Variants in ST6GALNAC3 observed in about 807,000 individuals in gnomAD.
ST6GALNAC3 encodes the protein alpha-N-acetylgalactosaminide alpha-2,6-sialyltransferase 3.
Under a neutral mutation model 32.7 loss-of-function variants are expected in ST6GALNAC3, and 25 were observed. The ratio of observed to expected loss-of-function variants is 0.76; its 90% CI spans 0.56 to 1.07. ST6GALNAC3 has a LOEUF of 1.07. Among genes scored for constraint, ST6GALNAC3 ranks in the 50% least tolerant of loss-of-function variants. The pLI, the probability that ST6GALNAC3 is intolerant of heterozygous loss-of-function variation, is 0.00. For synonymous variants in ST6GALNAC3, 129 were observed against 133.1 expected, an observed-to-expected ratio of 0.97 and a Z score of 0.21; for missense variants, 355 against 382.4, an observed-to-expected ratio of 0.93 and a Z score of 0.60.
intron 1 of ST6GALNAC3, among the ~76,000 whole-genome samples, chr1:76,195,010 T>G (rs1654116247): frequency 2.0e-5 from 3 of 152,206 alleles, no homozygotes; most frequent in African/African-American, 7.2e-5. Flanking sequence ...CATTTCATTA[T>G]ACAATATCCA....
intron 3 of ST6GALNAC3, among the ~76,000 whole-genome samples, chr1:76,449,015 G>T (rs1657191983): frequency 6.6e-6 from 1 of 152,072 alleles, no homozygotes. Context: ...TAGAGACAGG[G>T]TTTCACTATG....
At chr1:76,177,347 T>G (rs1652915090) in intron 1 of ST6GALNAC3, among the ~76,000 whole-genome samples, 1 of 152,172 alleles carries the variant, frequency 6.6e-6, no homozygotes, top group South Asian at 2.1e-4. Flanking sequence ...TGAAAGAGCT[T>G]AAAATTTCTT....
intron 3 of ST6GALNAC3, chr1:76,576,798 C>G: frequency 7.8e-7 from 1 of 1,277,726 alleles, no homozygotes; most frequent in South Asian, 1.2e-5. Flanking sequence ...ATTTGCATGT[C>G]TAACTAATTT....
At chr1:76,139,522 A>G (rs951563817) in intron 1 of ST6GALNAC3, among the ~76,000 whole-genome samples, 1 of 152,128 alleles carries the variant, frequency 6.6e-6, no homozygotes, top group East Asian at 1.9e-4. Flanking sequence ...CTTTATCCCT[A>G]TAGGAAGCCA....
At chr1:76,545,803 T>C (rs1413511911) in intron 3 of ST6GALNAC3, among the ~76,000 whole-genome samples, 1 of 151,690 alleles carries the variant, frequency 6.6e-6, no homozygotes, top group Non-Finnish European at 1.5e-5. Flanking sequence ...ATTACAGGCA[T>C]GCCCCCCCAC....
chr1:76,126,577 A>C (rs1649266889), intron 1 of ST6GALNAC3, among the ~76,000 whole-genome samples: 1 of 152,148 alleles, frequency 6.6e-6, no homozygotes, highest in Non-Finnish European at 1.5e-5. Context: ...AGTGACATAT[A>C]GGGTACTGTC....
intron 1 of ST6GALNAC3, among the ~76,000 whole-genome samples, chr1:76,281,925 A>G (rs558185428): frequency 2.0e-5 from 3 of 152,176 alleles, no homozygotes; most frequent in Non-Finnish European, 4.4e-5. Flanking sequence ...GGGCACTTCT[A>G]TGCATGTTAG....
chr1:76,396,831 T>C (rs1196182662), intron 2 of ST6GALNAC3, among the ~76,000 whole-genome samples: 2 of 152,222 alleles, frequency 1.3e-5, no homozygotes, highest in Non-Finnish European at 2.9e-5. Context: ...TTGTATTCAA[T>C]ATAGCATTTT....
chr1:76,472,052 G>A (rs191304857), intron 3 of ST6GALNAC3, among the ~76,000 whole-genome samples: 3 of 152,174 alleles, frequency 2.0e-5, no homozygotes, highest in African/African-American at 7.2e-5. Flanking sequence ...CATTTAAGGA[G>A]GTAAGCATTG....
chr1:76,599,278 A>G (rs1647183298), intron 3 of ST6GALNAC3, among the ~76,000 whole-genome samples: 1 of 152,042 alleles, frequency 6.6e-6, no homozygotes, highest in South Asian at 2.1e-4. Context: ...GAACTGTTGT[A>G]GATTAAACTT....
intron 1 of ST6GALNAC3, among the ~76,000 whole-genome samples, chr1:76,129,340 G>C (rs1366584949): frequency 6.6e-6 from 1 of 152,144 alleles, no homozygotes; most frequent in African/African-American, 2.4e-5. Context: ...GAAACTAAAG[G>C]AGTGGTTGGG....
At chr1:76,369,814 T>G (rs920634800) in intron 2 of ST6GALNAC3, among the ~76,000 whole-genome samples, 2 of 152,204 alleles carry the variant, frequency 1.3e-5, no homozygotes, top group Non-Finnish European at 2.9e-5. Flanking sequence ...TATTAGGCAA[T>G]GCTAGCTCTA....
At chr1:76,636,377 T>C (rs1342017102), downstream of ST6GALNAC3, among the ~76,000 whole-genome samples, 1 of 152,170 alleles carries the variant, frequency 6.6e-6, no homozygotes, top group African/African-American at 2.4e-5. Context: ...GTCACAGAGA[T>C]TAGCCTTTTT....
At chr1:76,105,733 A>C (rs1427237505) in intron 1 of ST6GALNAC3, among the ~76,000 whole-genome samples, 1 of 152,218 alleles carries the variant, frequency 6.6e-6, no homozygotes, top group Non-Finnish European at 1.5e-5. Flanking sequence ...GCCTCAAGTG[A>C]GTGGCAAAGC....
chr1:76,259,972 C>T (rs1020054004), intron 1 of ST6GALNAC3, among the ~76,000 whole-genome samples: 1 of 152,028 alleles, frequency 6.6e-6, no homozygotes, highest in Non-Finnish European at 1.5e-5. Flanking sequence ...ATCTCTCTTG[C>T]TTTAGTTTTG....
chr1:76,156,429 C>T (rs1651428001), intron 1 of ST6GALNAC3, among the ~76,000 whole-genome samples: 1 of 152,074 alleles, frequency 6.6e-6, no homozygotes, highest in Non-Finnish European at 1.5e-5. Context: ...GAAAATTTCT[C>T]TCTTCTTCCC....
intron 2 of ST6GALNAC3, among the ~76,000 whole-genome samples, chr1:76,344,263 G>T (rs982881046): frequency 6.6e-6 from 1 of 152,074 alleles, no homozygotes; most frequent in Non-Finnish European, 1.5e-5. Flanking sequence ...TTTTACTCTG[G>T]CTCTTCTGGG....
intron 3 of ST6GALNAC3, among the ~76,000 whole-genome samples, chr1:76,448,557 C>A (rs558742903): frequency 6.6e-6 from 1 of 152,252 alleles, no homozygotes. Flanking sequence ...TGAATTACCA[C>A]ATGTTGTGGG....
chr1:76,237,120 A>G (rs1282813005), intron 1 of ST6GALNAC3, among the ~76,000 whole-genome samples: 2 of 152,130 alleles, frequency 1.3e-5, no homozygotes, highest in South Asian at 2.1e-4. Flanking sequence ...GTGTGAAATA[A>G]CTTACTTGGG....
Sources: allele counts gnomAD v4.1 joint callset (sites outside exome capture counted in the v4.1 genomes callset), GRCh38; gene constraint gnomAD v4.1.1; transcripts MANE v1.5; gene names NCBI Gene and HGNC (gene_info 2026-07-23, HGNC 2026-07-21).